The following MAU2 variants were observed in gnomAD, a reference collection of about 807,000 sequenced individuals.
MAU2 encodes the protein MAU2 chromatid cohesion factor homolog.
MAU2 carries 9 observed loss-of-function variants against 89.1 expected under a neutral mutation model. That is an observed-to-expected ratio of 0.10 (90% CI 0.06 to 0.18). The LOEUF is 0.18. MAU2 is among the 10% of genes least tolerant of loss of function. The probability of loss-of-function intolerance (pLI) is 1.00; values close to 1 mark genes in which losing one functional copy is unlikely to be tolerated. For synonymous variants in MAU2, 357 were observed against 343.4 expected (o/e 1.04, Z -0.44); for missense variants, 425 against 803.5 (o/e 0.53, Z 5.69).
chr19:19,335,610 C>T lies in MAU2; in HGVS notation c.277-108C>T, dbSNP rs554100884. On this transcript the variant is annotated intron_variant, in intron 1 of 18. Coordinates refer to ENST00000262815, the MANE Select transcript of MAU2 (RefSeq NM_015329.4). ...GGGCCGCCTTCTTGTTACCTGGATA[C>T]CTGGCAGCCTCTGTTCTCAGGACAA... The T allele has an allele frequency of 2.2e-5, 24 of 1,112,204 alleles. No individual in the cohort carries two copies. The Admixed American group carries it at 4.2e-4, about 20-fold the overall frequency. The allele number at this position is 1,112,204 out of a possible 1,614,324, so 68.9% of individuals were successfully genotyped here.
In MAU2 at chr19:19,344,943, C is replaced by T; in HGVS notation, c.1155+17C>T. 2 of 1,611,704 alleles carry T rather than the reference C, an allele frequency of 1.2e-6. No individual in the cohort carries two copies. The stretch of plus-strand genomic sequence containing the variant: ...ACATTGCTGGTGAGTAACCCTGTGA[C>T]AACACCCCGGGAGAATCCAGAATGT... On this transcript the variant is annotated intron_variant, in intron 11 of 18. Transcript: ENST00000262815.
chr19:19,325,904 C>CT (rs2061500258), intron 1 of MAU2, among the ~76,000 whole-genome samples: 1 of 152,110 alleles, frequency 6.6e-6, no homozygotes, highest in Admixed American at 6.6e-5. Flanking sequence ...TGCTTTCTCT[C>CT]TAAGAGACCC....
At position 19,348,909 on chromosome 19, in the gene MAU2, G is replaced by A. The variant is rs1330590693; in HGVS notation, c.1329G>A (p.Arg443=). The A allele has an allele frequency of 1.9e-6, 3 of 1,613,916 alleles. No homozygotes were observed. In the Admixed American group the frequency reaches 5.0e-5, roughly 27 times the overall value. The change falls in exon 14 of 19, where the codon AGG becomes AGA. Residue 443 remains arginine (R), a synonymous_variant. Transcript: ENST00000262815. ...HQEVLYSLLE[R]INPDHSFPVS... is the part of the protein sequence containing the mutation. ...CGCAGCTCTACAGTCTGCTGGAGAGGATCAACCCGGACCACAGCTTCCCTG... is the reference window on the plus strand; with the variant it reads ...CGCAGCTCTACAGTCTGCTGGAGAGAATCAACCCGGACCACAGCTTCCCTG...
chr19:19,331,324 C>G (rs991236061), intron 1 of MAU2, among the ~76,000 whole-genome samples: 7 of 151,774 alleles, frequency 4.6e-5, no homozygotes, highest in East Asian at 1.9e-4. Flanking sequence ...ATGGTGAAAC[C>G]CGATTTCTAC....
intron 7 of MAU2, among the ~76,000 whole-genome samples, chr19:19,342,269 G>T (rs543701220): frequency 6.6e-6 from 1 of 152,306 alleles, no homozygotes; most frequent in South Asian, 2.1e-4. Context: ...GGTCTGGATA[G>T]GCCTCTCCTG....
intron 17 of MAU2, 127 bp from the exon 18 acceptor site, chr19:19,355,137 C>G: frequency 8.1e-7 from 1 of 1,229,186 alleles, no homozygotes; most frequent in Non-Finnish European, 1.1e-6. Flanking sequence ...GGTCCAGTGA[C>G]GTGCCAGGCA....
intron 12 of MAU2, 41 bp from the exon 13 acceptor site, chr19:19,347,239 C>G: frequency 1.5e-6 from 2 of 1,346,580 alleles, no homozygotes; most frequent in Non-Finnish European, 2.1e-6. Context: ...TGGGTCACAG[C>G]ACCCGACCCA....
chr19:19,345,182 C>A lies in MAU2; in HGVS notation c.1156-122C>A. 1.1e-6 allele frequency: 1 copy of A among 889,994 alleles called. No individual in the cohort carries two copies. The allele number at this position is 889,994 out of a possible 1,614,324, so 55.1% of individuals were successfully genotyped here. A position where few individuals can be genotyped will look rare whatever the true frequency, so the allele number is the denominator to read the frequency against. On this transcript the variant is annotated intron_variant, in intron 11 of 18. Coordinates refer to ENST00000262815, the MANE Select transcript of MAU2 (RefSeq NM_015329.4). This position sits in a 1 kb window ranked among gnomAD's most constrained non-coding sequence, Gnocchi z 4.9. ...AGCATATTACCTGCCTTGCAGCTGGCTCGGTAGAGCCATTGTCATACTCCT... is the reference window on the plus strand; with the variant it reads ...AGCATATTACCTGCCTTGCAGCTGGATCGGTAGAGCCATTGTCATACTCCT...
intron 1 of MAU2, chr19:19,334,074 G>C (rs1340689426): frequency 1.4e-6 from 1 of 700,434 alleles, no homozygotes; most frequent in South Asian, 6.4e-5. Context: ...TCTTGTGTTA[G>C]ACCCGGCTTC....
intron 1 of MAU2, among the ~76,000 whole-genome samples, chr19:19,335,264 C>G (rs1050507085): frequency 6.6e-6 from 1 of 152,228 alleles, no homozygotes; most frequent in Non-Finnish European, 1.5e-5. Flanking sequence ...TAACCTTGCC[C>G]CCCAAGACCC....
At chr19:19,340,079 G>A (rs1293311376) in intron 5 of MAU2, among the ~76,000 whole-genome samples, 1 of 151,228 alleles carries the variant, frequency 6.6e-6, no homozygotes. Flanking sequence ...GCGGGAGAAT[G>A]GCATGAACCC....
chr19:19,321,088 C>T lies in MAU2; in HGVS notation c.229C>T (p.His77Tyr). The change falls in exon 1 of 19, where the codon CAC (histidine) becomes TAC (tyrosine). Residue 77 changes from histidine to tyrosine, a missense_variant. Coordinates refer to ENST00000262815, the MANE Select transcript of MAU2 (RefSeq NM_015329.4). Reference protein sequence around the residue: ...THLQLGSVLYHHTKNSEQARS... With the variant: ...THLQLGSVLYYHTKNSEQARS... The stretch of plus-strand genomic sequence containing the variant: ...CCTGCAGCTGGGCTCCGTTCTCTAT[C>T]ACCACACCAAGAACAGCGAGCAGGC... 6.2e-7 allele frequency: 1 copy of T among 1,610,392 alleles called. No homozygotes were observed.
At position 19,334,231 on chromosome 19, in the gene MAU2, C is replaced by A. The variant is rs907628641; in HGVS notation, c.277-1487C>A. ...ACACTTCTGACGGCAGGTGCTGGCCCCGCCACTCTGAGGACCCCGAGCCCC... is the reference window on the plus strand; with the variant it reads ...ACACTTCTGACGGCAGGTGCTGGCCACGCCACTCTGAGGACCCCGAGCCCC... On this transcript the variant is annotated intron_variant, in intron 1 of 18. Coordinates refer to ENST00000262815, the MANE Select transcript of MAU2 (RefSeq NM_015329.4). 166 of 985,516 alleles carry A rather than the reference C, an allele frequency of 1.7e-4. No individual in the cohort carries two copies. In the Middle Eastern group the frequency reaches 3.7e-3, roughly 22 times the overall value. The allele number at this position is 985,516 out of a possible 1,614,324, so 61.0% of individuals were successfully genotyped here.
intron 6 of MAU2, 127 bp from the exon 7 acceptor site, chr19:19,341,125 A>C (rs1421004357): frequency 6.7e-6 from 8 of 1,189,272 alleles, no homozygotes; most frequent in Non-Finnish European, 9.3e-6. Context: ...CTGGGGTTTC[A>C]GGCTGGCCTT....
intron 1 of MAU2, among the ~76,000 whole-genome samples, chr19:19,322,887 TTTTA>T (rs1218327248): frequency 2.6e-5 from 4 of 152,264 alleles, no homozygotes; most frequent in Admixed American, 1.3e-4. Context: ...TTTTATTTTA[TTTTA>T]TTTATTTGTT....
rs570279794 is a variant in MAU2, at chr19:19,325,595, A to T, written c.276+4460A>T. Among the ~76,000 whole-genome samples the T allele has an allele frequency of 3.3e-5, 5 of 151,940 alleles. No individual in the cohort carries two copies. In the East Asian group the frequency reaches 9.7e-4, roughly 30 times the overall value. On this transcript the variant is annotated intron_variant, in intron 1 of 18. Coordinates refer to ENST00000262815, the MANE Select transcript of MAU2 (RefSeq NM_015329.4). ...CCCGGGTTCAAACGATTCTCCTACC[A>T]CAACCTCCTGAGTAGCTAGGATTAC...
At chr19:19,325,972 T>C (rs1474359031) in intron 1 of MAU2, among the ~76,000 whole-genome samples, 4 of 151,698 alleles carry the variant, frequency 2.6e-5, no homozygotes, top group African/African-American at 4.8e-5. Context: ...TCTGCTTCTG[T>C]CAGTTTCTAA....
intron 1 of MAU2, among the ~76,000 whole-genome samples, chr19:19,333,570 A>C (rs1029865838): frequency 1.3e-5 from 2 of 152,226 alleles, no homozygotes; most frequent in Non-Finnish European, 2.9e-5. Context: ...AAAGCTTTGT[A>C]GAAGGGGGTG....
intron 7 of MAU2, 83 bp from the exon 8 acceptor site, chr19:19,342,452 G>A (rs2061658056): frequency 1.4e-6 from 2 of 1,455,130 alleles, no homozygotes; most frequent in Non-Finnish European, 1.8e-6. Flanking sequence ...GCTCCCTAGA[G>A]GAAGGAGCAG....
Sources: allele counts gnomAD v4.1 joint callset (sites outside exome capture counted in the v4.1 genomes callset), GRCh38; gene constraint gnomAD v4.1.1; non-coding constraint Gnocchi (gnomAD v3.1); transcripts MANE v1.5; gene names NCBI Gene and HGNC (gene_info 2026-07-23, HGNC 2026-07-21).